Variants in ITSN1 observed in about 807,000 individuals in gnomAD.
ITSN1 encodes intersectin-1.
A neutral mutation model predicts 239.8 loss-of-function variants in ITSN1; 58 were observed. That is an observed-to-expected ratio of 0.24 (90% CI 0.20 to 0.30). The LOEUF is 0.30. ITSN1 is among the 10% of genes least tolerant of loss of function. The pLI is 1.00. For missense variants in ITSN1, 1,558 were observed against 2,103.3 expected, an observed-to-expected ratio of 0.74 and a Z score of 5.07; for synonymous variants, 780 against 770.8, an observed-to-expected ratio of 1.01 and a Z score of -0.20.
chr21:33,693,140 C>T (rs752568226), intron 1 of ITSN1, among the ~76,000 whole-genome samples: 8 of 152,068 alleles, frequency 5.3e-5, no homozygotes, highest in Admixed American at 3.3e-4. Context: ...TGTAGGTGAA[C>T]GCTGTAAGCT....
At chr21:33,815,662 A>G (rs1004539361) in intron 22 of ITSN1, among the ~76,000 whole-genome samples, 11 of 152,228 alleles carry the variant, frequency 7.2e-5, no homozygotes, top group African/African-American at 2.4e-4. Context: ...GGAATGGAAA[A>G]GTGAAGTGTC....
At chr21:33,709,392 C>T (rs1198871777) in intron 1 of ITSN1, among the ~76,000 whole-genome samples, 2 of 152,044 alleles carry the variant, frequency 1.3e-5, no homozygotes, top group East Asian at 3.9e-4. Context: ...CCAGGCTGGG[C>T]CTCCCGGGTT....
At chr21:33,800,006 A>G (rs1403744580) in intron 19 of ITSN1, 77 bp downstream of exon 19, 41 of 1,448,046 alleles carry the variant, frequency 2.8e-5, no homozygotes, top group Non-Finnish European at 3.7e-5. Flanking sequence ...TTATTCAACA[A>G]TTGTGAGATT....
At chr21:33,655,752 T>C (rs1009240254) in intron 1 of ITSN1, among the ~76,000 whole-genome samples, 8 of 151,998 alleles carry the variant, frequency 5.3e-5, no homozygotes, top group Non-Finnish European at 1.0e-4. Context: ...GACTCTAAAG[T>C]GTACTGTCGA....
In ITSN1 at chr21:33,836,963, G is replaced by A. The variant is rs746048543; in HGVS notation, c.3661+331G>A. On this transcript the variant is annotated intron_variant, in intron 29 of 39. Coordinates refer to ENST00000381318, the MANE Select transcript of ITSN1 (RefSeq NM_003024.3). ...TTGCTCATTGTTTTGTTTTGCTTAT[G>A]TGTTGTTTTCCTCCTTTTTCTAGGA... The A allele has an allele frequency of 8.9e-6, 14 of 1,581,318 alleles. 1 individual carries two copies. In the Admixed American group the frequency reaches 1.0e-4, roughly 12 times the overall value.
At chr21:33,834,218 A>G (rs1380757036) in intron 27 of ITSN1, 89 bp from the exon 28 acceptor site, 3 of 890,374 alleles carry the variant, frequency 3.4e-6, no homozygotes, top group Non-Finnish European at 5.5e-6. Flanking sequence ...AGTTATATGT[A>G]AGCTTTACAT....
chr21:33,801,332 A>G (rs1478177217), intron 19 of ITSN1, among the ~76,000 whole-genome samples: 2 of 152,238 alleles, frequency 1.3e-5, no homozygotes, highest in Non-Finnish European at 2.9e-5. Flanking sequence ...GATCTTTAAT[A>G]GGCTAAAATA....
At chr21:33,663,916 C>G (rs1336198785) in intron 1 of ITSN1, among the ~76,000 whole-genome samples, 1 of 152,078 alleles carries the variant, frequency 6.6e-6, no homozygotes, top group African/African-American at 2.4e-5. Context: ...TGATTAAATT[C>G]TAAAACCAAG....
chr21:33,643,647 A>G (rs1438766088), intron 1 of ITSN1: 1 of 152,092 alleles, frequency 6.6e-6, no homozygotes, highest in Non-Finnish European at 1.5e-5. Flanking sequence ...AGCCTCTTCA[A>G]TATGAAAGTT....
At chr21:33,686,445 G>A (rs1438098684) in intron 1 of ITSN1, among the ~76,000 whole-genome samples, 1 of 152,112 alleles carries the variant, frequency 6.6e-6, no homozygotes, top group East Asian at 1.9e-4. Flanking sequence ...TGCTAGAAAA[G>A]CATTTATGTC....
intron 30 of ITSN1, 95 bp from the exon 31 acceptor site, chr21:33,858,591 C>G (rs1979829296): frequency 6.6e-6 from 5 of 758,456 alleles, no homozygotes; most frequent in Non-Finnish European, 1.1e-5. Context: ...GGTACAGACA[C>G]CTGAGCCCTT....
rs2068366784 is a variant in ITSN1, at chr21:33,762,004, C to A, written c.788+18C>A. On this transcript the variant is annotated intron_variant, in intron 9 of 39. Transcript: ENST00000381318. ...TCAATATGGTAAGGAATGAAAAGTT[C>A]TTTGGTTTGGATAAAGTGGAAACTT... 6.3e-7 allele frequency: 1 copy of A among 1,594,008 alleles called. No homozygotes were observed. The highest frequency in any genetic ancestry group is 8.6e-7 in the Non-Finnish European group (1 of 1,161,708).
intron 20 of ITSN1, among the ~76,000 whole-genome samples, chr21:33,808,514 G>A (rs150548454): frequency 2.0e-5 from 3 of 152,068 alleles, no homozygotes; most frequent in African/African-American, 7.2e-5. Flanking sequence ...GAACCCAGGA[G>A]GCAGAGGTTG....
At chr21:33,860,575 G>A (rs867325469) in intron 31 of ITSN1, among the ~76,000 whole-genome samples, 2 of 152,166 alleles carry the variant, frequency 1.3e-5, no homozygotes, top group South Asian at 2.1e-4. Flanking sequence ...CCAGGCCTGC[G>A]TGCTTCTTCC....
At chr21:33,692,742 A>G (rs191503356) in intron 1 of ITSN1, among the ~76,000 whole-genome samples, 1 of 152,308 alleles carries the variant, frequency 6.6e-6, no homozygotes, top group East Asian at 1.9e-4. Context: ...TTTGAACATA[A>G]AAGATAATTT....
intron 5 of ITSN1, among the ~76,000 whole-genome samples, chr21:33,743,753 A>G (rs1321734309): frequency 6.6e-6 from 1 of 152,254 alleles, no homozygotes; most frequent in African/African-American, 2.4e-5. Context: ...ATGTAGAAAA[A>G]GAAAGCATAT....
intron 20 of ITSN1, among the ~76,000 whole-genome samples, chr21:33,807,527 G>C (rs540149875): frequency 2.0e-4 from 30 of 152,210 alleles, no homozygotes; most frequent in African/African-American, 6.5e-4. Flanking sequence ...TTGTAGAGAT[G>C]GGGTTTCACC....
At chr21:33,651,068 C>T (rs550806764) in intron 1 of ITSN1, among the ~76,000 whole-genome samples, 13 of 152,366 alleles carry the variant, frequency 8.5e-5, no homozygotes, top group South Asian at 8.3e-4. Context: ...CCTAGAGCAG[C>T]GCCTGCTGCC....
chr21:33,680,447 T>A (rs2090879654), intron 1 of ITSN1, among the ~76,000 whole-genome samples: 1 of 151,920 alleles, frequency 6.6e-6, no homozygotes, highest in Non-Finnish European at 1.5e-5. Context: ...TTCTCATGCC[T>A]CAGCCTCTCG....
Sources: gnomAD v4.1 joint callset for allele counts (sites outside exome capture counted in the v4.1 genomes callset) on GRCh38, gnomAD v4.1.1 for gene constraint, MANE v1.5 for transcripts, NCBI Gene and HGNC (gene_info 2026-07-23, HGNC 2026-07-21) for gene names.